Variants in HS3ST4 observed in about 807,000 individuals in gnomAD.
HS3ST4 encodes the protein heparan sulfate-glucosamine 3-sulfotransferase 4, also known as heparan sulfate glucosamine 3-O-sulfotransferase 4.
In HS3ST4, 17 loss-of-function variants were observed where a neutral mutation model predicts 29.2. The ratio of observed to expected loss-of-function variants is 0.58; its 90% confidence interval spans 0.40 to 0.87. The LOEUF (loss-of-function observed/expected upper bound fraction) is 0.87. HS3ST4 is among the 40% of genes least tolerant of loss of function. HS3ST4 has a pLI of 0.00. For missense variants in HS3ST4, 627 were observed against 634.5 expected, an observed-to-expected ratio of 0.99 and a Z score of 0.13; for synonymous variants, 314 against 285.7, an observed-to-expected ratio of 1.10 and a Z score of -1.00.
At chr16:25,828,242 C>CTGTCTTTCTT (rs1371928058) in intron 1 of HS3ST4, among the ~76,000 whole-genome samples, 864 of 75,020 alleles carry the variant, frequency 0.012, 96 homozygotes, top group East Asian at 0.015. Flanking sequence ...TTCTTTCTTT[C>CTGTCTTTCTT]TCTTTCTTTC....
chr16:26,133,986 A>G (rs1231174659), intron 1 of HS3ST4, among the ~76,000 whole-genome samples: 1 of 152,198 alleles, frequency 6.6e-6, no homozygotes, highest in Non-Finnish European at 1.5e-5. Flanking sequence ...TTTGGTCTAC[A>G]TATGCCTGTA....
chr16:26,075,656 C>G (rs1312701334), intron 1 of HS3ST4, among the ~76,000 whole-genome samples: 1 of 152,104 alleles, frequency 6.6e-6, no homozygotes, highest in Non-Finnish European at 1.5e-5. Flanking sequence ...ATACCATGAG[C>G]CTTACATCCT....
chr16:25,816,336 C>T (rs1236620109), intron 1 of HS3ST4, among the ~76,000 whole-genome samples: 2 of 152,166 alleles, frequency 1.3e-5, no homozygotes, highest in South Asian at 2.1e-4. Flanking sequence ...CTCATCTCAT[C>T]ACTTCCGAAA....
intron 1 of HS3ST4, among the ~76,000 whole-genome samples, chr16:25,809,206 T>A (rs1435508928): frequency 1.3e-5 from 2 of 152,182 alleles, no homozygotes; most frequent in East Asian, 1.9e-4. Context: ...TTTTCACCAC[T>A]AAGTATGATG....
intron 1 of HS3ST4, among the ~76,000 whole-genome samples, chr16:26,129,303 A>G (rs866421713): frequency 2.7e-4 from 41 of 152,284 alleles, no homozygotes; most frequent in Admixed American, 9.1e-4. Context: ...GCCACCTACA[A>G]GTGACCTTGG....
chr16:25,730,756 T>C (rs1314344918), intron 1 of HS3ST4, among the ~76,000 whole-genome samples: 1 of 151,420 alleles, frequency 6.6e-6, no homozygotes, highest in Non-Finnish European at 1.5e-5. Context: ...TCCCTCTTTT[T>C]CCTCTTTTCC....
At chr16:25,913,948 G>A (rs549190636) in intron 1 of HS3ST4, among the ~76,000 whole-genome samples, 2 of 151,024 alleles carry the variant, frequency 1.3e-5, no homozygotes, top group Non-Finnish European at 3.0e-5. Flanking sequence ...TGTGTGTGGT[G>A]TGTGTGTAAG....
chr16:26,043,279 A>G (rs1343177213), intron 1 of HS3ST4, among the ~76,000 whole-genome samples: 1 of 152,186 alleles, frequency 6.6e-6, no homozygotes, highest in Non-Finnish European at 1.5e-5. Context: ...CTATTTATGG[A>G]GGGTTTCAAA....
intron 1 of HS3ST4, among the ~76,000 whole-genome samples, chr16:25,947,605 A>G (rs761077788): frequency 2.6e-5 from 4 of 152,092 alleles, no homozygotes; most frequent in South Asian, 2.1e-4. Flanking sequence ...ACAAACGCCC[A>G]TTTATAGTCT....
intron 1 of HS3ST4, among the ~76,000 whole-genome samples, chr16:25,937,322 T>C (rs1968526825): frequency 6.6e-6 from 1 of 152,224 alleles, no homozygotes; most frequent in African/African-American, 2.4e-5. Flanking sequence ...AGTTGAACCC[T>C]AGACCAAGTT....
At chr16:25,873,393 TCCA>T (rs1967781329) in intron 1 of HS3ST4, among the ~76,000 whole-genome samples, 1 of 139,736 alleles carries the variant, frequency 7.2e-6, no homozygotes, top group Non-Finnish European at 1.6e-5. Context: ...CATCCATCCA[TCCA>T]TCCATCCATC....
At chr16:25,739,990 T>A (rs958770833) in intron 1 of HS3ST4, among the ~76,000 whole-genome samples, 2 of 152,242 alleles carry the variant, frequency 1.3e-5, no homozygotes, top group Non-Finnish European at 2.9e-5. Context: ...GACCTATTTC[T>A]GCCTGTTTCT....
chr16:25,716,022 C>T (rs774056552), intron 1 of HS3ST4, among the ~76,000 whole-genome samples: 4 of 152,202 alleles, frequency 2.6e-5, no homozygotes, highest in African/African-American at 2.4e-5. Context: ...AGCTAGACAG[C>T]TTCCCTGTGA....
chr16:26,136,175 A>G lies in HS3ST4; in HGVS notation c.1298A>G (p.Lys433Arg). The change falls in exon 2 of 2, where the codon AAA becomes AGA. Residue 433 changes from lysine to arginine, a missense_variant. Physicochemically the swap from Lys to Arg is conservative, Grantham distance 26. This residue lies in a region of HS3ST4 where 225 missense variants were observed against 293.7 expected (regional missense o/e 0.77). Coordinates refer to ENST00000331351, the MANE Select transcript of HS3ST4 (RefSeq NM_006040.3). Reference sequence around the variant, plus strand: ...ATCCACAGACTGAGGAAATTCTACAAACCCTTCAACTTGATGTTTTACCAA... The same window carrying G: ...ATCCACAGACTGAGGAAATTCTACAGACCCTTCAACTTGATGTTTTACCAA... The part of the protein sequence containing the change: ...DVIHRLRKFY[K>R]PFNLMFYQMT... 1 of 1,613,368 alleles carries G rather than the reference A, an allele frequency of 6.2e-7. No individual in the cohort carries two copies. The highest frequency in any genetic ancestry group is 8.5e-7 in the Non-Finnish European group (1 of 1,179,676).
intron 1 of HS3ST4, among the ~76,000 whole-genome samples, chr16:26,117,612 T>A (rs1429004936): frequency 6.6e-6 from 1 of 152,202 alleles, no homozygotes; most frequent in African/African-American, 2.4e-5. Context: ...CAGAAGCATC[T>A]TCAGCAGGTC....
At chr16:26,008,610 G>A (rs757991014) in intron 1 of HS3ST4, among the ~76,000 whole-genome samples, 1 of 152,198 alleles carries the variant, frequency 6.6e-6, no homozygotes, top group Non-Finnish European at 1.5e-5. Flanking sequence ...CTTGAGGTCA[G>A]GAGTTCAAGA....
At chr16:26,130,660 T>C (rs1899405258) in intron 1 of HS3ST4, among the ~76,000 whole-genome samples, 1 of 152,188 alleles carries the variant, frequency 6.6e-6, no homozygotes, top group Admixed American at 6.5e-5. Flanking sequence ...TGAACATCTT[T>C]GTAATGAAAT....
At chr16:25,771,603 T>C (rs541508470) in intron 1 of HS3ST4, among the ~76,000 whole-genome samples, 20 of 152,172 alleles carry the variant, frequency 1.3e-4, no homozygotes, top group Non-Finnish European at 2.2e-4. Flanking sequence ...CTTTTTTCTC[T>C]GAAGACTTCT....
intron 1 of HS3ST4, among the ~76,000 whole-genome samples, chr16:26,088,384 G>A (rs1463054934): frequency 6.6e-6 from 1 of 152,166 alleles, no homozygotes; most frequent in Non-Finnish European, 1.5e-5. Flanking sequence ...GTTAATTATT[G>A]TGTTGATTGC....
Sources: gnomAD v4.1 joint callset for allele counts (sites outside exome capture counted in the v4.1 genomes callset) on GRCh38, gnomAD v4.1.1 for gene constraint, gnomAD v4.1.1 regional missense constraint, MANE v1.5 for transcripts, NCBI Gene and HGNC (gene_info 2026-07-23, HGNC 2026-07-21) for gene names.